COL5A1: variants seen among roughly 807,000 people sequenced by gnomAD.
The protein encoded by COL5A1 is collagen alpha-1(V) chain.
In COL5A1, 16 loss-of-function variants were observed where a neutral mutation model predicts 263.7. That is an observed-to-expected ratio of 0.06 (90% CI 0.04 to 0.09). The LOEUF (loss-of-function observed/expected upper bound fraction) is 0.09, where lower values mean the gene tolerates loss of function less well. Among genes scored for constraint, COL5A1 ranks in the 10% least tolerant of loss-of-function variants. The pLI is 1.00. For missense variants in COL5A1, 2,036 were observed against 2,540.5 expected (o/e 0.80, Z 4.27); for synonymous variants, 1,012 against 1,004.5 (o/e 1.01, Z -0.14).
chr9:134,747,448 T>C (rs930538165), intron 11 of COL5A1, among the ~76,000 whole-genome samples: 4 of 151,866 alleles, frequency 2.6e-5, no homozygotes, highest in Non-Finnish European at 5.9e-5. Context: ...TGCACACACA[T>C]GCATTCCCAC....
chr9:134,787,801 G>C (rs1204972744), intron 31 of COL5A1, among the ~76,000 whole-genome samples: 1 of 152,218 alleles, frequency 6.6e-6, no homozygotes, highest in African/African-American at 2.4e-5. Flanking sequence ...TCTCACCTCA[G>C]TTCAGCTCAG....
In COL5A1 at chr9:134,795,135, C is replaced by T. The variant is rs1837850960; in HGVS notation, c.2745+9C>T. ...GGCAGCGAGGCCCAACGGTAACCAC[C>T]CTTTCAGCTTGTGGGCATGTTTGGG... On this transcript the variant is annotated intron_variant, in intron 33 of 65. Transcript: ENST00000371817. 4.3e-6 allele frequency: 7 copies of T among 1,613,928 alleles called. No homozygotes were observed. The South Asian group carries it at 4.4e-5, about 10-fold the overall frequency.
rs550786589 is a variant in COL5A1, at chr9:134,754,236, G to A, written c.1774-37G>A. 2.1e-5 allele frequency: 33 copies of A among 1,608,508 alleles called. No individual in the cohort carries two copies. The East Asian group carries it at 6.9e-4, about 34-fold the overall frequency. The stretch of plus-strand genomic sequence containing the variant: ...TTTGCTCTTTCTCCTGAGAAAGGCG[G>A]ACTCGCCACTGACCCTTTGTCTCTT... On this transcript the variant is annotated intron_variant, in intron 15 of 65. Coordinates refer to ENST00000371817, the MANE Select transcript of COL5A1 (RefSeq NM_000093.5). The surrounding 1 kb of genome is among the most constrained non-coding windows in gnomAD (Gnocchi z 4.3).
intron 2 of COL5A1, among the ~76,000 whole-genome samples, chr9:134,695,809 G>A (rs1467466673): frequency 1.3e-5 from 2 of 152,200 alleles, no homozygotes; most frequent in Non-Finnish European, 2.9e-5. Flanking sequence ...TTTGGGTCCA[G>A]GCCAGAAGGT....
At position 134,795,089 on chromosome 9, in the gene COL5A1, C is replaced by T. The variant is rs780406577; in HGVS notation, c.2708C>T (p.Pro903Leu). ...CCCCTTCTCTGATTCTAGGGGACCC[C>T]TGGAAAGCCAGGACCGCGGGGGCAG... is the stretch of plus-strand genomic sequence containing the variant. ...ANGEKGGRGT[P>L]GKPGPRGQRG... Residue 903 changes from proline (P) to leucine (L), a missense_variant, in exon 33 of 66, where the codon CCT (proline) becomes CTT (leucine). Coordinates refer to ENST00000371817, the MANE Select transcript of COL5A1 (RefSeq NM_000093.5). The T allele has an allele frequency of 6.8e-6, 11 of 1,614,048 alleles. No individual in the cohort carries two copies. The highest frequency in any genetic ancestry group is 8.5e-6 in the Non-Finnish European group (10 of 1,180,004).
rs889347642 is a variant in COL5A1 at position 134,742,039 on chromosome 9, G to A, written c.1494+3231G>A. ...TGGGAGCCGTCTGTGCACCTGTGCC[G>A]TGGCATCCCACTGGGTATCATGCAG... On this transcript the variant is annotated intron_variant, in intron 11 of 65. Coordinates refer to ENST00000371817, the MANE Select transcript of COL5A1 (RefSeq NM_000093.5). This position sits in a 1 kb window ranked among gnomAD's most constrained non-coding sequence, Gnocchi z 4.6. Among the ~76,000 whole-genome samples the A allele has an allele frequency of 5.3e-5, 8 of 152,138 alleles. No homozygotes were observed. The highest frequency in any genetic ancestry group is 2.1e-4 in the South Asian group (1 of 4,834).
Position 134,796,418 on chromosome 9 carries a change from G to A in COL5A1, c.2844G>A (p.Arg948=), listed in dbSNP as rs1421835224. 3 of 1,614,148 alleles carry A rather than the reference G, an allele frequency of 1.9e-6. No individual in the cohort carries two copies. Among genetic ancestry groups the A allele is most frequent in the Non-Finnish European group, 2.5e-6 (3 of 1,180,030 alleles). Reference sequence around the variant, plus strand: ...GCCCAGCTGGCCCTCCTGGTGAACGGGTAAGCAGCTGGAGCCTTCGGGGGT... The same window carrying A: ...GCCCAGCTGGCCCTCCTGGTGAACGAGTAAGCAGCTGGAGCCTTCGGGGGT... ...GDGPAGPPGE[R]GPNGPQGPTG... The change falls in exon 35 of 66, where the codon CGG becomes CGA. Residue 948 remains arginine (R), a splice_region_variant and synonymous_variant. Coordinates refer to ENST00000371817, the MANE Select transcript of COL5A1 (RefSeq NM_000093.5).
intron 3 of COL5A1, 64 bp from the exon 4 acceptor site, chr9:134,701,107 A>G (rs1833656962): frequency 1.9e-6 from 3 of 1,571,378 alleles, no homozygotes; most frequent in Non-Finnish European, 2.6e-6. Flanking sequence ...AGGAATTTGC[A>G]GCAAAATTGC....
At chr9:134,683,788 C>T (rs1026456024) in intron 1 of COL5A1, among the ~76,000 whole-genome samples, 2 of 152,212 alleles carry the variant, frequency 1.3e-5, no homozygotes, top group Admixed American at 1.3e-4. Flanking sequence ...CAGCTCATTG[C>T]ACCCCCTTTC....
chr9:134,783,552 G>T (rs1206483434), intron 29 of COL5A1, among the ~76,000 whole-genome samples: 2 of 152,118 alleles, frequency 1.3e-5, no homozygotes, highest in African/African-American at 4.8e-5. Context: ...CCTCCGGTGG[G>T]CACAGCCGTG....
intron 8 of COL5A1, 132 bp downstream of exon 8, chr9:134,731,795 CTTTATT>C: frequency 5.6e-6 from 6 of 1,078,974 alleles, no homozygotes; most frequent in Middle Eastern, 2.9e-4. Context: ...ATTCCCAAAA[CTTTATT>C]TTTAAAGAGA....
At chr9:134,798,356 T>G in intron 36 of COL5A1, 52 bp from the exon 37 acceptor site, 1 of 1,533,248 alleles carries the variant, frequency 6.5e-7, no homozygotes, top group Non-Finnish European at 9.0e-7. Context: ...TTCTCAAAGG[T>G]GGTTGCTTCT....
At chr9:134,817,291 G>C (rs995390426) in intron 53 of COL5A1, among the ~76,000 whole-genome samples, 3 of 152,208 alleles carry the variant, frequency 2.0e-5, no homozygotes, top group Non-Finnish European at 2.9e-5. Context: ...AGGACAGGCC[G>C]CCTGCTGACA....
At chr9:134,692,026 G>A (rs1169526940) in intron 2 of COL5A1, among the ~76,000 whole-genome samples, 1 of 152,194 alleles carries the variant, frequency 6.6e-6, no homozygotes, top group Non-Finnish European at 1.5e-5. Context: ...TTCCACAGAC[G>A]TGCTCTCTGT....
chr9:134,814,927 AG>A, intron 50 of COL5A1, 23 bp downstream of exon 50: 1 of 1,518,206 alleles, frequency 6.6e-7, no homozygotes, highest in Non-Finnish European at 8.9e-7. Flanking sequence ...GACACACCTC[AG>A]GGGCCCTGCA....
chr9:134,691,049 C>G lies in COL5A1; in HGVS notation c.247C>G (p.Leu83Val). Reference protein sequence around the residue: ...VAYRVTKDAQLSAPTKQLYPA... With the variant: ...VAYRVTKDAQVSAPTKQLYPA... Reference sequence around the variant, plus strand: ...TTACAGAGTCACCAAAGACGCGCAGCTCAGCGCACCCACCAAGCAGCTGTA... The same window carrying G: ...TTACAGAGTCACCAAAGACGCGCAGGTCAGCGCACCCACCAAGCAGCTGTA... The change falls in exon 2 of 66, where the codon CTC becomes GTC. Residue 83 changes from leucine to valine, a missense_variant. Physicochemically the swap from Leu to Val is conservative, Grantham distance 32. This residue lies in a region of COL5A1 where 600 missense variants were observed against 634.5 expected (regional missense o/e 0.95). Coordinates refer to ENST00000371817, the MANE Select transcript of COL5A1 (RefSeq NM_000093.5). 1 of 1,613,544 alleles carries G rather than the reference C, an allele frequency of 6.2e-7. No individual in the cohort carries two copies. The highest frequency in any genetic ancestry group is 8.5e-7 in the Non-Finnish European group (1 of 1,180,052).
chr9:134,728,793 A>G lies in COL5A1; in HGVS notation c.910A>G (p.Thr304Ala). The change falls in exon 6 of 66, where the codon ACA becomes GCA. Residue 304 changes from threonine (T) to alanine (A), a missense_variant. By Grantham distance (58) the Thr-to-Ala change is moderately conservative (BLOSUM62 0). Coordinates refer to ENST00000371817, the MANE Select transcript of COL5A1 (RefSeq NM_000093.5). Reference sequence around the variant, plus strand: ...GCCCGTGGAAGCTGCCAAAGAAACCACAGAGGTCCCCGAGGTCTGGGCTGA... The same window carrying G: ...GCCCGTGGAAGCTGCCAAAGAAACCGCAGAGGTCCCCGAGGTCTGGGCTGA... ...KKPVEAAKET[T>A]EVPEELTPTP... 6.2e-7 allele frequency: 1 copy of G among 1,614,150 alleles called. No individual in the cohort carries two copies. Among genetic ancestry groups the G allele is most frequent in the Non-Finnish European group, 8.5e-7 (1 of 1,180,024 alleles).
rs532249734 is a variant in COL5A1, at chr9:134,772,075, T to C, written c.2287-715T>C. Among the ~76,000 whole-genome samples, 109 of 152,268 alleles carry C rather than the reference T, an allele frequency of 7.2e-4. 1 individual carries two copies. Among genetic ancestry groups the C allele is most frequent in the African/African-American group, 2.6e-3 (108 of 41,556 alleles). The stretch of plus-strand genomic sequence containing the variant: ...GAGCCTCGGCTGGGTACCTGTCACA[T>C]GGGGCATAGGTCCTCACCTTCGCTC... On this transcript the variant is annotated intron_variant, in intron 25 of 65. Transcript: ENST00000371817.
chr9:134,669,233 TTTCCTTCCCTTCCCTTC>T (rs1832457198), intron 1 of COL5A1, among the ~76,000 whole-genome samples: 3 of 80,292 alleles, frequency 3.7e-5, no homozygotes, highest in Non-Finnish European at 6.6e-5. Flanking sequence ...TTCCCTTCCC[TTTCCTTCCCTTCCCTTC>T]CCTTCCCTTC....
Sources: allele counts gnomAD v4.1 joint callset (sites outside exome capture counted in the v4.1 genomes callset), GRCh38; gene constraint gnomAD v4.1.1; regional missense constraint gnomAD v4.1.1; non-coding constraint Gnocchi (gnomAD v3.1); transcripts MANE v1.5; gene names NCBI Gene and HGNC (gene_info 2026-07-23, HGNC 2026-07-21).